GHR: variants seen among roughly 807,000 people sequenced by gnomAD.
GHR encodes the protein growth hormone receptor, also known as GH receptor.
GHR carries 35 observed loss-of-function variants against 67.1 expected under a neutral mutation model. The observed-to-expected ratio is 0.52, with a 90% CI of 0.40 to 0.69. GHR has a LOEUF of 0.69. GHR is among the 30% of genes least tolerant of loss of function. The pLI is 0.00. For missense variants in GHR, 792 were observed against 764.6 expected, an observed-to-expected ratio of 1.04 and a Z score of -0.42; for synonymous variants, 272 against 269.1, an observed-to-expected ratio of 1.01 and a Z score of -0.10.
chr5:42,601,171 C>A (rs1415628055), intron 2 of GHR, among the ~76,000 whole-genome samples: 3 of 152,036 alleles, frequency 2.0e-5, no homozygotes, highest in African/African-American at 7.2e-5. Context: ...AGGTGATCCG[C>A]CCCGCTCAGC....
chr5:42,490,640 G>C (rs568456698), intron 1 of GHR, among the ~76,000 whole-genome samples: 2 of 152,192 alleles, frequency 1.3e-5, no homozygotes, highest in Non-Finnish European at 2.9e-5. Flanking sequence ...TAATTTTGCA[G>C]ATTTGTCCTT....
Position 42,641,683 on chromosome 5 carries a change from TG to T in GHR, c.136+12584del, listed in dbSNP as rs1221125509. ...TTTGCTTTTTCTGTGAAAGACCAGC[TG>T]GGGCAAATATTTTGGATTAAGTAAA... On this transcript the variant is annotated intron_variant, in intron 3 of 9. Transcript: ENST00000230882. 6.6e-5 allele frequency among the ~76,000 whole-genome samples: 10 copies of T among 152,190 alleles called. 1 individual carries two copies. Among genetic ancestry groups the T allele is most frequent in the Non-Finnish European group, 1.0e-4 (7 of 68,032 alleles).
chr5:42,552,900 A>T (rs1218279760), intron 1 of GHR, among the ~76,000 whole-genome samples: 2 of 152,278 alleles, frequency 1.3e-5, no homozygotes, highest in East Asian at 3.9e-4. Context: ...AAAGCTGTAA[A>T]TTATTTACTA....
At chr5:42,646,840 T>C (rs1754755612) in intron 3 of GHR, among the ~76,000 whole-genome samples, 1 of 152,112 alleles carries the variant, frequency 6.6e-6, no homozygotes, top group Non-Finnish European at 1.5e-5. Context: ...GATTTTCAAA[T>C]TGGGAATCAC....
intron 6 of GHR, among the ~76,000 whole-genome samples, 180 bp downstream of exon 6, chr5:42,700,182 A>G (rs988963348): frequency 6.6e-6 from 1 of 152,220 alleles, no homozygotes; most frequent in Non-Finnish European, 1.5e-5. Flanking sequence ...TCTGTAAGAC[A>G]GGAGATGCTT....
intron 1 of GHR, among the ~76,000 whole-genome samples, chr5:42,425,351 A>G (rs1192245806): frequency 1.3e-5 from 2 of 152,256 alleles, no homozygotes; most frequent in Admixed American, 6.5e-5. Flanking sequence ...TGTGCCTGGG[A>G]AGACACTCAT....
At chr5:42,702,563 G>A (rs1757981410) in intron 6 of GHR, among the ~76,000 whole-genome samples, 1 of 151,898 alleles carries the variant, frequency 6.6e-6, no homozygotes. Context: ...ACTTAGTAGT[G>A]GAATAATATA....
chr5:42,552,939 G>A (rs1011498020), intron 1 of GHR, among the ~76,000 whole-genome samples: 4 of 152,070 alleles, frequency 2.6e-5, no homozygotes, highest in Admixed American at 6.5e-5. Context: ...ATCACTTATC[G>A]TTAACTGATG....
At chr5:42,639,731 C>A (rs759632414) in intron 3 of GHR, among the ~76,000 whole-genome samples, 1 of 152,160 alleles carries the variant, frequency 6.6e-6, no homozygotes, top group Non-Finnish European at 1.5e-5. Flanking sequence ...AGTTATGCAT[C>A]TCTTGCATTG....
At chr5:42,526,917 G>T (rs1307543303) in intron 1 of GHR, among the ~76,000 whole-genome samples, 1 of 152,134 alleles carries the variant, frequency 6.6e-6, no homozygotes, top group Non-Finnish European at 1.5e-5. Flanking sequence ...AGAAGAGATT[G>T]GGGGCCTATA....
At chr5:42,707,258 A>T (rs1413929567) in intron 6 of GHR, among the ~76,000 whole-genome samples, 1 of 151,988 alleles carries the variant, frequency 6.6e-6, no homozygotes, top group Non-Finnish European at 1.5e-5. Context: ...TGTCACACTT[A>T]CATCTTTTTA....
At chr5:42,694,712 G>A (rs1757584918) in intron 4 of GHR, among the ~76,000 whole-genome samples, 2 of 152,188 alleles carry the variant, frequency 1.3e-5, no homozygotes, top group Non-Finnish European at 2.9e-5. Context: ...ATAGGCAGAA[G>A]TACCAAACGG....
chr5:42,624,499 A>C (rs962164101), intron 2 of GHR, among the ~76,000 whole-genome samples: 1 of 152,216 alleles, frequency 6.6e-6, no homozygotes, highest in African/African-American at 2.4e-5. Context: ...CATATTTTTA[A>C]AACCACTTTA....
chr5:42,660,270 A>G (rs1377299203), intron 3 of GHR, among the ~76,000 whole-genome samples: 2 of 152,178 alleles, frequency 1.3e-5, no homozygotes, highest in Non-Finnish European at 2.9e-5. Flanking sequence ...TTCTCCCAGC[A>G]TGCAGCTGGA....
chr5:42,709,820 G>A (rs150414323), intron 6 of GHR, among the ~76,000 whole-genome samples: 9 of 152,026 alleles, frequency 5.9e-5, no homozygotes, highest in African/African-American at 9.7e-5. Context: ...ACAGTTCCCC[G>A]CACAGGCAGA....
At chr5:42,574,414 G>A (rs1233432596) in intron 2 of GHR, among the ~76,000 whole-genome samples, 2 of 152,230 alleles carry the variant, frequency 1.3e-5, no homozygotes, top group African/African-American at 4.8e-5. Flanking sequence ...TCTGAACTTC[G>A]TAAGCACGGT....
At chr5:42,713,300 A>T in intron 7 of GHR, 129 bp from the exon 8 acceptor site, 1 of 657,958 alleles carries the variant, frequency 1.5e-6, no homozygotes, top group East Asian at 2.7e-5. Flanking sequence ...TTCAGTGGTT[A>T]TCAAGAGAAA....
chr5:42,489,307 C>T (rs568898121), intron 1 of GHR, among the ~76,000 whole-genome samples: 80 of 152,166 alleles, frequency 5.3e-4, no homozygotes, highest in African/African-American at 1.3e-3. Context: ...GATTCTTCAA[C>T]GCTCTTAGCA....
intron 2 of GHR, among the ~76,000 whole-genome samples, chr5:42,585,055 G>A (rs1451125314): frequency 1.3e-5 from 2 of 152,158 alleles, no homozygotes; most frequent in Non-Finnish European, 2.9e-5. Context: ...CAATTGAGCA[G>A]GCTTGTCCAA....
Sources: allele counts gnomAD v4.1 joint callset (sites outside exome capture counted in the v4.1 genomes callset), GRCh38; gene constraint gnomAD v4.1.1; transcripts MANE v1.5; gene names NCBI Gene and HGNC (gene_info 2026-07-23, HGNC 2026-07-21).